Variants in LIN7A observed in about 807,000 individuals in gnomAD.
LIN7A encodes the protein protein lin-7 homolog A.
In LIN7A, 25 loss-of-function variants were observed where a neutral mutation model predicts 29.8. That is an observed-to-expected ratio of 0.84 (90% CI 0.61 to 1.17). LIN7A has a LOEUF of 1.17. LIN7A is among the 50% of genes most tolerant of loss of function. The probability of loss-of-function intolerance (pLI) is 0.00; values close to 1 mark genes in which losing one functional copy is unlikely to be tolerated. For synonymous variants in LIN7A, 118 were observed against 107.5 expected (o/e 1.10, Z -0.60); for missense variants, 239 against 287.0 (o/e 0.83, Z 1.21).
chr12:80,862,685 G>A (rs1313988026), intron 2 of LIN7A, among the ~76,000 whole-genome samples: 1 of 152,104 alleles, frequency 6.6e-6, no homozygotes, highest in South Asian at 2.1e-4. Context: ...ATGATGAGGG[G>A]CCATTTGAAA....
At chr12:80,856,640 C>A (rs1873615706) in intron 2 of LIN7A, among the ~76,000 whole-genome samples, 1 of 152,134 alleles carries the variant, frequency 6.6e-6, no homozygotes, top group African/African-American at 2.4e-5. Context: ...CATGCTGATG[C>A]AGTGTAAAGT....
rs1033719678 is a variant in LIN7A, at chr12:80,860,436, T to C, written c.202-12114A>G. Among the ~76,000 whole-genome samples, 5 of 152,216 alleles carry C rather than the reference T, an allele frequency of 3.3e-5. No homozygotes were observed. In the South Asian group the frequency reaches 8.3e-4, roughly 25 times the overall value. ...TGCCAACTACTCTGGCCTTTTCCTT[T>C]AGCAGAAGGATGACTAAAATAGTGC... On this transcript the variant is annotated intron_variant, in intron 2 of 5. Coordinates refer to ENST00000552864, the MANE Select transcript of LIN7A (RefSeq NM_004664.4).
chr12:80,869,532 C>A (rs965623068), intron 2 of LIN7A, among the ~76,000 whole-genome samples: 1 of 152,048 alleles, frequency 6.6e-6, no homozygotes, highest in Non-Finnish European at 1.5e-5. Context: ...CAGAAAACCA[C>A]GGCCATTGGC....
intron 4 of LIN7A, 129 bp downstream of exon 4, chr12:80,845,601 G>T (rs1254474542): frequency 1.6e-5 from 11 of 671,746 alleles, no homozygotes; most frequent in Non-Finnish European, 2.5e-5. Context: ...ATCCATCAAT[G>T]CTTAGAAAGC....
intron 1 of LIN7A, among the ~76,000 whole-genome samples, chr12:80,900,285 A>T (rs1876144089): frequency 6.6e-6 from 1 of 151,564 alleles, no homozygotes; most frequent in African/African-American, 2.4e-5. Context: ...GATTTTGGTT[A>T]TTTTTTTGTC....
chr12:80,841,351 GGA>G (rs1435379544), intron 4 of LIN7A, among the ~76,000 whole-genome samples: 2 of 11,182 alleles, frequency 1.8e-4, no homozygotes, highest in Non-Finnish European at 5.1e-4. Context: ...AGGGAAGGAA[GGA>G]AGGAAGGAAG....
chr12:80,899,365 A>G (rs1319966508), intron 1 of LIN7A, among the ~76,000 whole-genome samples: 1 of 152,138 alleles, frequency 6.6e-6, no homozygotes, highest in East Asian at 1.9e-4. Context: ...TTTTGATGTG[A>G]TGCTGGAGTT....
chr12:80,829,800 A>C (rs1489735165), intron 4 of LIN7A, among the ~76,000 whole-genome samples: 1 of 152,188 alleles, frequency 6.6e-6, no homozygotes, highest in Non-Finnish European at 1.5e-5. Context: ...TATTCTCTAC[A>C]TAATAGATCA....
At chr12:80,910,873 G>T (rs1424706529) in intron 1 of LIN7A, among the ~76,000 whole-genome samples, 2 of 152,032 alleles carry the variant, frequency 1.3e-5, no homozygotes, top group Non-Finnish European at 2.9e-5. Context: ...TCTGGTTTGG[G>T]TATTTGTTAG....
chr12:80,815,667 T>C (rs12824756), intron 4 of LIN7A, among the ~76,000 whole-genome samples: 2 of 152,184 alleles, frequency 1.3e-5, no homozygotes, highest in African/African-American at 4.8e-5. Context: ...GAGAAGGTGG[T>C]TCTTATATGA....
At chr12:80,818,016 G>A (rs1249397028) in intron 4 of LIN7A, among the ~76,000 whole-genome samples, 1 of 152,106 alleles carries the variant, frequency 6.6e-6, no homozygotes, top group African/African-American at 2.4e-5. Context: ...ACTACTACTA[G>A]GATTAGGGGG....
At chr12:80,876,459 G>C (rs1874707328) in intron 2 of LIN7A, among the ~76,000 whole-genome samples, 1 of 152,144 alleles carries the variant, frequency 6.6e-6, no homozygotes, top group Non-Finnish European at 1.5e-5. Flanking sequence ...TTTTATTCAT[G>C]AAAGATACCT....
At position 80,821,179 on chromosome 12, in the gene LIN7A, G is replaced by C. The variant is rs192234779; in HGVS notation, c.484-9496C>G. 2.7e-3 allele frequency among the ~76,000 whole-genome samples: 413 copies of C among 152,274 alleles called. 3 individuals carry two copies. The highest frequency in any genetic ancestry group is 9.6e-3 in the African/African-American group (397 of 41,556). On this transcript the variant is annotated intron_variant, in intron 4 of 5. Transcript: ENST00000552864. Reference sequence around the variant, plus strand: ...AGAGCCAGGGTGCCAGGGCAGAAAGGCCAGGGATTGGGGTCAGGAGGATCT... The same window carrying C: ...AGAGCCAGGGTGCCAGGGCAGAAAGCCCAGGGATTGGGGTCAGGAGGATCT...
At chr12:80,811,824 C>T (rs1243531339) in intron 4 of LIN7A, 141 bp from the exon 5 acceptor site, 1 of 974,972 alleles carries the variant, frequency 1.0e-6, no homozygotes, top group Non-Finnish European at 1.5e-6. Flanking sequence ...TTACCATCAT[C>T]GTTATTATTT....
At chr12:80,897,902 T>G (rs1325594351) in intron 1 of LIN7A, among the ~76,000 whole-genome samples, 1 of 152,178 alleles carries the variant, frequency 6.6e-6, no homozygotes, top group Non-Finnish European at 1.5e-5. Context: ...ATTGCCAATA[T>G]TTTCTCTGAT....
At position 80,937,622 on chromosome 12, in the gene LIN7A, G is replaced by C. The variant is rs1386377130; in HGVS notation, c.82+19C>G. 1.4e-6 allele frequency: 2 copies of C among 1,463,664 alleles called. No individual in the cohort carries two copies. The highest frequency in any genetic ancestry group is 1.8e-6 in the Non-Finnish European group (2 of 1,096,866). The allele number at this position is 1,463,664 out of a possible 1,614,324, so 90.7% of individuals were successfully genotyped here. A position where few individuals can be genotyped will look rare whatever the true frequency, so the allele number is the denominator to read the frequency against. On this transcript the variant is annotated intron_variant, in intron 1 of 5. Transcript: ENST00000552864. ...GGGAGAGGGGACGCGGTGGCCTGGCGAGCGAGCCGCTCCCTTACCTCTGTC... is the reference window on the plus strand; with the variant it reads ...GGGAGAGGGGACGCGGTGGCCTGGCCAGCGAGCCGCTCCCTTACCTCTGTC...
chr12:80,821,405 T>A (rs867233316), intron 4 of LIN7A, among the ~76,000 whole-genome samples: 3 of 152,132 alleles, frequency 2.0e-5, no homozygotes, highest in African/African-American at 4.8e-5. Context: ...CTTTTTTTTT[T>A]AATTAAAAAT....
intron 4 of LIN7A, among the ~76,000 whole-genome samples, chr12:80,821,599 C>A (rs1018546003): frequency 2.0e-5 from 3 of 152,190 alleles, no homozygotes; most frequent in Non-Finnish European, 2.9e-5. Context: ...GTGATTGCAG[C>A]TGCAGCCAGT....
At chr12:80,803,161 C>G (rs2121491303) in intron 5 of LIN7A, among the ~76,000 whole-genome samples, 1 of 152,222 alleles carries the variant, frequency 6.6e-6, no homozygotes, top group East Asian at 1.9e-4. Context: ...TCTATTTTTA[C>G]TTTTGTTGCC....
Sources: allele counts gnomAD v4.1 joint callset (sites outside exome capture counted in the v4.1 genomes callset), GRCh38; gene constraint gnomAD v4.1.1; transcripts MANE v1.5; gene names NCBI Gene and HGNC (gene_info 2026-07-23, HGNC 2026-07-21).